Variants in NSD3 observed in about 807,000 individuals in gnomAD.
NSD3 encodes histone-lysine N-methyltransferase NSD3.
Under a neutral mutation model 160.8 loss-of-function variants are expected in NSD3, and 24 were observed. The observed-to-expected ratio is 0.15, with a 90% CI of 0.11 to 0.21. NSD3 has a LOEUF of 0.21. Ranked by LOEUF, NSD3 falls within the 10% of genes least tolerant of loss-of-function variation. NSD3 has a pLI of 1.00. For synonymous variants in NSD3, 520 were observed against 600.0 expected (o/e 0.87, Z 1.95); for missense variants, 1,157 against 1,735.9 (o/e 0.67, Z 5.93).
chr8:38,323,042 G>GT (rs1809827327), intron 7 of NSD3, among the ~76,000 whole-genome samples: 1 of 151,946 alleles, frequency 6.6e-6, no homozygotes, highest in Non-Finnish European at 1.5e-5. Flanking sequence ...CCTAAATTAA[G>GT]TTTTTTTTCT....
intron 1 of NSD3, among the ~76,000 whole-genome samples, chr8:38,351,121 G>A (rs1049750284): frequency 2.6e-5 from 4 of 151,286 alleles, no homozygotes; most frequent in Non-Finnish European, 4.4e-5. Context: ...ACAGGTGCCC[G>A]CCACCATGCC....
chr8:38,311,191 A>T (rs1809526700), intron 12 of NSD3, among the ~76,000 whole-genome samples: 1 of 151,782 alleles, frequency 6.6e-6, no homozygotes, highest in South Asian at 2.1e-4. Context: ...CTAGGATTAC[A>T]GGCATGAGCC....
chr8:38,348,565 T>G (rs1214685045), intron 1 of NSD3, among the ~76,000 whole-genome samples: 1 of 152,282 alleles, frequency 6.6e-6, no homozygotes, highest in African/African-American at 2.4e-5. Flanking sequence ...AGCAGTGTCC[T>G]GACACATATC....
In NSD3 at chr8:38,329,733, C is replaced by A; in HGVS notation, c.1226G>T (p.Ser409Ile). Residue 409 changes from serine to isoleucine, a missense_variant, in exon 6 of 24, where the codon AGT becomes ATT. Coordinates refer to ENST00000317025, the MANE Select transcript of NSD3 (RefSeq NM_023034.2). This position sits in a 1 kb window ranked among gnomAD's most constrained non-coding sequence, Gnocchi z 4.8. ...PEEALSQAKKSVASKTEVKKT... is the reference protein window; with the variant it reads ...PEEALSQAKKIVASKTEVKKT... ...TTTAACTTCGGTTTTGGAGGCAACA[C>A]TCTTTTTTGCTTGGGATAAAGCCTC... The A allele has an allele frequency of 6.2e-7, 1 of 1,614,196 alleles. No individual in the cohort carries two copies. Among genetic ancestry groups the A allele is most frequent in the Non-Finnish European group, 8.5e-7 (1 of 1,180,042 alleles).
chr8:38,315,941 A>T lies in NSD3; in HGVS notation c.1957T>A (p.Ser653Thr). ...AGGTCACTCAGTCCTCTAGAATCGG[A>T]GTCAGATGTGTCTCTGTATGCTGAA... ...TSSAYRDTSD[S>T]DSRGLSDLQV... Residue 653 changes from serine to threonine, a missense_variant, in exon 10 of 24, where the codon TCC becomes ACC. Coordinates refer to ENST00000317025, the MANE Select transcript of NSD3 (RefSeq NM_023034.2). The T allele has an allele frequency of 6.2e-7, 1 of 1,613,868 alleles. No homozygotes were observed. Among genetic ancestry groups the T allele is most frequent in the Non-Finnish European group, 8.5e-7 (1 of 1,179,982 alleles).
rs554389911 is a variant in NSD3, at chr8:38,321,787, C to T, written c.1709-615G>A. Among the ~76,000 whole-genome samples, 9 of 152,214 alleles carry T rather than the reference C, an allele frequency of 5.9e-5. No homozygotes were observed. The highest frequency in any genetic ancestry group is 1.3e-4 in the Admixed American group (2 of 15,288). The stretch of plus-strand genomic sequence containing the variant: ...CTGTTATACTCTGGAAATAATTAGT[C>T]GTGGAAAACTAGTTGAAACAAATTA... On this transcript the variant is annotated intron_variant, in intron 7 of 23. Coordinates refer to ENST00000317025, the MANE Select transcript of NSD3 (RefSeq NM_023034.2). This position sits in a 1 kb window ranked among gnomAD's most constrained non-coding sequence, Gnocchi z 4.7.
At chr8:38,374,538 C>T (rs1029889098) in intron 1 of NSD3, among the ~76,000 whole-genome samples, 1 of 152,090 alleles carries the variant, frequency 6.6e-6, no homozygotes, top group Non-Finnish European at 1.5e-5. Flanking sequence ...ATGAAGACTG[C>T]TTGAGCCCAA....
chr8:38,339,849 T>C (rs1357447078), intron 2 of NSD3, among the ~76,000 whole-genome samples: 2 of 152,182 alleles, frequency 1.3e-5, no homozygotes, highest in Non-Finnish European at 2.9e-5. Flanking sequence ...AAATTTATTC[T>C]ATAGAAATAT....
chr8:38,347,793 T>C lies in NSD3; in HGVS notation c.379A>G (p.Lys127Glu), dbSNP rs1184814849. ...GGTGGTGGCTGTGGAGGGGAAGGTT[T>C]TTCCAGAATTTCATGTGGTCTTGTG... ...PNTRPHEILE[K>E]PSPPQPPPPP... is the part of the protein sequence containing the mutation. The change falls in exon 2 of 24, where the codon AAA (lysine) becomes GAA (glutamate). Residue 127 changes from lysine to glutamate, a missense_variant. By Grantham distance (56) the Lys-to-Glu change is moderately conservative. Coordinates refer to ENST00000317025, the MANE Select transcript of NSD3 (RefSeq NM_023034.2). 1.2e-6 allele frequency: 2 copies of C among 1,613,968 alleles called. No individual in the cohort carries two copies. Among genetic ancestry groups the C allele is most frequent in the Non-Finnish European group, 8.5e-7 (1 of 1,180,028 alleles).
In NSD3 at chr8:38,279,529, C is replaced by G; in HGVS notation, c.3760+11G>C. On this transcript the variant is annotated intron_variant, in intron 21 of 23. Transcript: ENST00000317025. ...AGGGAGGAAAGCATGGGGAACGAGT[C>G]ACTTTTTTACCTGCAGGAATATCAC... 1 of 1,612,768 alleles carries G rather than the reference C, an allele frequency of 6.2e-7. No individual in the cohort carries two copies. The highest frequency in any genetic ancestry group is 8.5e-7 in the Non-Finnish European group (1 of 1,179,012).
At chr8:38,381,018 C>T (rs1179506926) in intron 1 of NSD3, among the ~76,000 whole-genome samples, 1 of 152,130 alleles carries the variant, frequency 6.6e-6, no homozygotes, top group African/African-American at 2.4e-5. Flanking sequence ...CAATCACAAT[C>T]CCATAACCAC....
intron 2 of NSD3, among the ~76,000 whole-genome samples, chr8:38,340,700 C>T (rs956218270): frequency 1.3e-5 from 2 of 151,978 alleles, no homozygotes; most frequent in African/African-American, 4.8e-5. Context: ...TGTCCCCAAA[C>T]CCAAGTATCA....
intron 1 of NSD3, among the ~76,000 whole-genome samples, chr8:38,379,730 A>C (rs1171834834): frequency 6.6e-6 from 1 of 152,222 alleles, no homozygotes; most frequent in East Asian, 1.9e-4. Context: ...AACTGGTTTG[A>C]GTCCACCATA....
chr8:38,279,696 G>T lies in NSD3; in HGVS notation c.3619-15C>A, dbSNP rs1330809079. ...ATTATACGGTCCTTCAGAAAGAAAAGAAAAGTACCTTTTACATAAATTAAG... is the reference window on the plus strand; with the variant it reads ...ATTATACGGTCCTTCAGAAAGAAAATAAAAGTACCTTTTACATAAATTAAG... On this transcript the variant is annotated splice_polypyrimidine_tract_variant and intron_variant, in intron 20 of 23. Transcript: ENST00000317025. 1.2e-6 allele frequency: 2 copies of T among 1,606,444 alleles called. No individual in the cohort carries two copies. The highest frequency in any genetic ancestry group is 2.2e-5 in the East Asian group (1 of 44,660).
chr8:38,277,977 C>T (rs1471906026), intron 22 of NSD3, among the ~76,000 whole-genome samples: 2 of 149,572 alleles, frequency 1.3e-5, no homozygotes, highest in Non-Finnish European at 3.0e-5. Context: ...CTTGCACTGT[C>T]ACCCAGGCTG....
intron 1 of NSD3, among the ~76,000 whole-genome samples, chr8:38,352,180 C>T (rs1001803687): frequency 1.3e-5 from 2 of 152,036 alleles, no homozygotes; most frequent in Non-Finnish European, 2.9e-5. Context: ...AACAAATAAC[C>T]CCAAACAGCA....
chr8:38,272,728 A>T lies in NSD3; in HGVS notation c.*2913T>A, dbSNP rs990140314. 2 of 152,220 alleles carry T rather than the reference A, an allele frequency of 1.3e-5. No individual in the cohort carries two copies. 9.4% of individuals were successfully genotyped at this position (152,220 alleles called of 1,614,324 possible). On this transcript the variant is annotated 3_prime_UTR_variant, in exon 24 of 24. Transcript: ENST00000317025. The stretch of plus-strand genomic sequence containing the variant: ...ATTTCATTGTTGGACAAGAATAAAA[A>T]CCAGCCACTTACACTCTGACCACAT...
chr8:38,282,232 C>T (rs1808747680), intron 19 of NSD3, among the ~76,000 whole-genome samples: 1 of 152,216 alleles, frequency 6.6e-6, no homozygotes, highest in African/African-American at 2.4e-5. Flanking sequence ...GTAATCACCA[C>T]TGCAATCAAG....
intron 2 of NSD3, among the ~76,000 whole-genome samples, chr8:38,345,201 A>C (rs958626942): frequency 1.3e-5 from 2 of 149,100 alleles, no homozygotes; most frequent in Non-Finnish European, 3.0e-5. Flanking sequence ...GGAAGAAAGA[A>C]GGGGTGAGAG....
Sources: allele counts gnomAD v4.1 joint callset (sites outside exome capture counted in the v4.1 genomes callset), GRCh38; gene constraint gnomAD v4.1.1; non-coding constraint Gnocchi (gnomAD v3.1); transcripts MANE v1.5; gene names NCBI Gene and HGNC (gene_info 2026-07-23, HGNC 2026-07-21).